The following DAGLA variants were observed in gnomAD, a reference collection of about 807,000 sequenced individuals.
DAGLA encodes the protein diacylglycerol lipase-alpha.
DAGLA carries 22 observed loss-of-function variants against 102.6 expected under a neutral mutation model. That is an observed-to-expected ratio of 0.21 (90% confidence interval 0.15 to 0.31). The LOEUF (loss-of-function observed/expected upper bound fraction) is 0.31. Among genes scored for constraint, DAGLA ranks in the 10% least tolerant of loss-of-function variants. DAGLA has a pLI of 1.00. For missense variants in DAGLA, 927 were observed against 1,446.6 expected (o/e 0.64, Z 5.83); for synonymous variants, 578 against 628.9 (o/e 0.92, Z 1.21).
Position 61,744,586 on chromosome 11 carries a change from C to T in DAGLA, c.*97C>T, listed in dbSNP as rs957994039. 4 of 1,078,878 alleles carry T rather than the reference C, an allele frequency of 3.7e-6. No homozygotes were observed. In the African/African-American group the frequency reaches 6.3e-5, roughly 17 times the overall value. The allele number at this position is 1,078,878 out of a possible 1,614,324, so 66.8% of individuals were successfully genotyped here. A position where few individuals can be genotyped will look rare whatever the true frequency, so the allele number is the denominator to read the frequency against. The stretch of plus-strand genomic sequence containing the variant: ...TGCCGGGCAGCTTTAAGGACAGACC[C>T]CCAGGGGCAGTTTAGCCTCAGGCAC... On this transcript the variant is annotated 3_prime_UTR_variant, in exon 20 of 20. Transcript: ENST00000257215.
chr11:61,723,275 G>A (rs559021714), intron 4 of DAGLA, among the ~76,000 whole-genome samples, 159 bp from the exon 5 acceptor site: 3 of 152,278 alleles, frequency 2.0e-5, no homozygotes, highest in Non-Finnish European at 2.9e-5. Flanking sequence ...GGGTGGCCAC[G>A]TATGTGGCCA....
intron 10 of DAGLA, 30 bp from the exon 11 acceptor site, chr11:61,735,531 G>C: frequency 6.2e-7 from 1 of 1,606,444 alleles, no homozygotes; most frequent in Non-Finnish European, 8.5e-7. Context: ...CACCAGGGCC[G>C]CTCAGGCTCA....
intron 5 of DAGLA, among the ~76,000 whole-genome samples, 196 bp downstream of exon 5, chr11:61,723,768 C>A (rs1193201244): frequency 1.3e-5 from 2 of 152,254 alleles, no homozygotes; most frequent in Non-Finnish European, 2.9e-5. Flanking sequence ...AATAACAATT[C>A]TTGTCTCATG....
At chr11:61,706,859 G>A (rs987253379) in intron 1 of DAGLA, among the ~76,000 whole-genome samples, 1 of 152,234 alleles carries the variant, frequency 6.6e-6, no homozygotes, top group African/African-American at 2.4e-5. Flanking sequence ...AGGAGCCTTG[G>A]CCTCTGCCGG....
chr11:61,691,779 G>A (rs999204710), intron 1 of DAGLA, among the ~76,000 whole-genome samples: 1 of 152,214 alleles, frequency 6.6e-6, no homozygotes, highest in African/African-American at 2.4e-5. Context: ...CAGGCCAGAC[G>A]GTCTGGCTGC....
intron 3 of DAGLA, among the ~76,000 whole-genome samples, chr11:61,721,950 G>A (rs916007920): frequency 2.0e-5 from 3 of 152,248 alleles, no homozygotes; most frequent in African/African-American, 7.2e-5. Flanking sequence ...TGCTGCCCGT[G>A]CAGCTGGGGC....
At chr11:61,726,700 G>A (rs1192401797) in intron 6 of DAGLA, among the ~76,000 whole-genome samples, 1 of 152,252 alleles carries the variant, frequency 6.6e-6, no homozygotes. Flanking sequence ...GCCCAGAGAG[G>A]TGGAGTGACT....
intron 1 of DAGLA, among the ~76,000 whole-genome samples, chr11:61,718,023 G>A (rs1344486264): frequency 2.0e-5 from 3 of 152,192 alleles, no homozygotes; most frequent in Admixed American, 6.5e-5. Context: ...GTGATCTCGA[G>A]GAGTGTTAGC....
At chr11:61,718,916 G>A (rs938183876) in intron 1 of DAGLA, among the ~76,000 whole-genome samples, 2 of 152,146 alleles carry the variant, frequency 1.3e-5, no homozygotes, top group Admixed American at 6.5e-5. Context: ...CTTCCTCCCC[G>A]AATGATGCCG....
Position 61,740,565 on chromosome 11 carries a change from C to T in DAGLA, c.1956C>T (p.Pro652=), listed in dbSNP as rs1028292448. 2.5e-6 allele frequency: 4 copies of T among 1,613,680 alleles called. No individual in the cohort carries two copies. The highest frequency in any genetic ancestry group is 2.7e-5 in the African/African-American group (2 of 74,938). ...ISPAMLHEHL[P]YVVMEGLNKV... is the part of the protein sequence containing the mutation. ...CAGCCATGCTGCATGAGCACCTGCCCTATGTGGTCATGGAGGGGCTCAACA... is the reference window on the plus strand; with the variant it reads ...CAGCCATGCTGCATGAGCACCTGCCTTATGTGGTCATGGAGGGGCTCAACA... The change falls in exon 18 of 20, where the codon CCC becomes CCT. Residue 652 remains proline (P), a synonymous_variant. Coordinates refer to ENST00000257215, the MANE Select transcript of DAGLA (RefSeq NM_006133.3).
chr11:61,728,859 T>TG (rs2065352211), intron 7 of DAGLA, 72 bp from the exon 8 acceptor site: 1 of 1,397,342 alleles, frequency 7.2e-7, no homozygotes, highest in Admixed American at 1.7e-5. Context: ...CGCCAGGGCC[T>TG]GGGCCCCCTT....
Position 61,735,796 on chromosome 11 carries a change from G to A in DAGLA, c.1270G>A (p.Gly424Ser), listed in dbSNP as rs1224417279. 6.8e-6 allele frequency: 11 copies of A among 1,611,732 alleles called. No homozygotes were observed. The highest frequency in any genetic ancestry group is 1.3e-5 in the African/African-American group (1 of 74,836). ...AERLPVEGHH[G>S]TWLGHKGMVL... ...GCGCCTCCCCGTGGAGGGGCACCACGGCACCTGGCTGGGCCACAAGGTAAC... is the reference window on the plus strand; with the variant it reads ...GCGCCTCCCCGTGGAGGGGCACCACAGCACCTGGCTGGGCCACAAGGTAAC... The change falls in exon 12 of 20, where the codon GGC becomes AGC. Residue 424 changes from glycine (G) to serine (S), a missense_variant. Gly to Ser is a moderately conservative substitution (Grantham distance 56). This residue lies in a region of DAGLA where 218 missense variants were observed against 459.6 expected (regional missense o/e 0.47). Transcript: ENST00000257215.
At chr11:61,709,935 C>T (rs1253862895) in intron 1 of DAGLA, among the ~76,000 whole-genome samples, 1 of 152,136 alleles carries the variant, frequency 6.6e-6, no homozygotes, top group South Asian at 2.1e-4. Flanking sequence ...CTTTGAGCAG[C>T]AGGCACCCAC....
intron 1 of DAGLA, among the ~76,000 whole-genome samples, chr11:61,688,439 A>G (rs550069363): frequency 6.6e-6 from 1 of 152,200 alleles, no homozygotes; most frequent in Non-Finnish European, 1.5e-5. Context: ...CCACCCTCTA[A>G]GCCACCCCAG....
At position 61,744,967 on chromosome 11, in the gene DAGLA, C is replaced by T. The variant is rs559957539; in HGVS notation, c.*478C>T. ...CAGATCTGGTGCCTGCTGGCCGGCC[C>T]CCTGGGGTGCCCCTGCCGAGGTGGC... On this transcript the variant is annotated 3_prime_UTR_variant, in exon 20 of 20. Transcript: ENST00000257215. The T allele has an allele frequency of 3.0e-5, 5 of 165,978 alleles. No individual in the cohort carries two copies. In the South Asian group the frequency reaches 8.0e-4, roughly 27 times the overall value. 10.3% of individuals were successfully genotyped at this position (165,978 alleles called of 1,614,324 possible). A position where few individuals can be genotyped will look rare whatever the true frequency, so the allele number is the denominator to read the frequency against.
intron 3 of DAGLA, 118 bp downstream of exon 3, chr11:61,721,008 C>T (rs887148044): frequency 4.1e-6 from 4 of 966,840 alleles, no homozygotes; most frequent in Non-Finnish European, 6.2e-6. Context: ...TGGGGTACAG[C>T]AGTGAACTAA....
At chr11:61,728,844 G>A (rs970102950) in intron 7 of DAGLA, 87 bp from the exon 8 acceptor site, 42 of 1,187,930 alleles carry the variant, frequency 3.5e-5, no homozygotes, top group Non-Finnish European at 5.0e-5. Flanking sequence ...TGGGAAGCAG[G>A]CGGACGCCAG....
intron 5 of DAGLA, among the ~76,000 whole-genome samples, chr11:61,724,423 C>T (rs1451732343): frequency 6.6e-6 from 1 of 152,198 alleles, no homozygotes; most frequent in Non-Finnish European, 1.5e-5. Flanking sequence ...ATCCATTCTA[C>T]AGATGAGGAA....
Position 61,738,178 on chromosome 11 carries a change from G to T in DAGLA, c.1627G>T (p.Asp543Tyr). ...GGAAGGCTTCCGCAGACAGCTCCTG[G>T]ATGTCCTGCAGCGAAGCACCAAGCC... ...QLEGFRRQLL[D>Y]VLQRSTKPKW... Residue 543 changes from aspartate (D) to tyrosine (Y), a missense_variant, in exon 16 of 20, where the codon GAT becomes TAT. Coordinates refer to ENST00000257215, the MANE Select transcript of DAGLA (RefSeq NM_006133.3). 1 of 1,613,394 alleles carries T rather than the reference G, an allele frequency of 6.2e-7. No individual in the cohort carries two copies. The highest frequency in any genetic ancestry group is 8.5e-7 in the Non-Finnish European group (1 of 1,180,002).
Sources: allele counts gnomAD v4.1 joint callset (sites outside exome capture counted in the v4.1 genomes callset), GRCh38; gene constraint gnomAD v4.1.1; regional missense constraint gnomAD v4.1.1; transcripts MANE v1.5; gene names NCBI Gene and HGNC (gene_info 2026-07-23, HGNC 2026-07-21).